The following GPHN variants were observed in gnomAD, a reference collection of about 807,000 sequenced individuals.
GPHN encodes gephyrin.
GPHN carries 17 observed loss-of-function variants against 95.5 expected under a neutral mutation model. The observed-to-expected ratio is 0.18, with a 90% CI of 0.12 to 0.27. The LOEUF is 0.27. Among genes scored for constraint, GPHN ranks in the 10% least tolerant of loss-of-function variants. The pLI is 1.00. For missense variants in GPHN, 660 were observed against 978.1 expected (o/e 0.67, Z 4.34); for synonymous variants, 320 against 322.5 (o/e 0.99, Z 0.08).
chr14:67,206,591 ATAAAATGTT>A, the GPHN span, among the ~76,000 whole-genome samples: 7 of 152,194 alleles, frequency 4.6e-5, no homozygotes, highest in Admixed American at 6.5e-5. Context: ...AATGCTTATA[ATAAAATGTT>A]AAGTGAAAAA....
At chr14:67,659,618 G>C in the GPHN span, 1 of 1,090,348 alleles carries the variant, frequency 9.2e-7, no homozygotes, top group East Asian at 2.8e-5. Context: ...TGAAAAAAAT[G>C]AAACAAGAGT....
chr14:66,933,317 G>C (rs1451419221), intron 8 of GPHN, among the ~76,000 whole-genome samples: 1 of 152,314 alleles, frequency 6.6e-6, no homozygotes, highest in African/African-American at 2.4e-5. Flanking sequence ...CTTTATTAAT[G>C]AGTCCCACTG....
the GPHN span, among the ~76,000 whole-genome samples, chr14:67,538,994 G>A: frequency 6.6e-6 from 1 of 152,098 alleles, no homozygotes; most frequent in African/African-American, 2.4e-5. Context: ...TCAGTAAGAG[G>A]GAATCAATAT....
chr14:66,955,637 G>A (rs1040503903), intron 8 of GPHN, among the ~76,000 whole-genome samples: 1 of 152,002 alleles, frequency 6.6e-6, no homozygotes, highest in Non-Finnish European at 1.5e-5. Flanking sequence ...TGCCATGTTG[G>A]TGTGCTGCAC....
At chr14:67,343,253 G>A in the GPHN span, 1 of 704,100 alleles carries the variant, frequency 1.4e-6, no homozygotes, top group East Asian at 2.7e-5. Flanking sequence ...TGCACTGTGG[G>A]CAAGGGAAGC....
the GPHN span, chr14:67,586,953 G>A: frequency 6.5e-7 from 1 of 1,542,180 alleles, no homozygotes; most frequent in Non-Finnish European, 8.7e-7. Flanking sequence ...CTCCCAGGTG[G>A]GTATTTTAAG....
chr14:67,428,253 C>A, the GPHN span, among the ~76,000 whole-genome samples: 1 of 152,098 alleles, frequency 6.6e-6, no homozygotes, highest in South Asian at 2.1e-4. Context: ...TATGCCCAGA[C>A]CCCCATGGTC....
At chr14:67,324,806 A>G in the GPHN span, among the ~76,000 whole-genome samples, 2 of 150,902 alleles carry the variant, frequency 1.3e-5, no homozygotes, top group East Asian at 3.9e-4. Context: ...GTTGGTATTG[A>G]ACTCCTGGCC....
At chr14:67,527,850 T>C in the GPHN span, among the ~76,000 whole-genome samples, 1 of 152,184 alleles carries the variant, frequency 6.6e-6, no homozygotes, top group Non-Finnish European at 1.5e-5. Context: ...CACTCACAGC[T>C]CTGCATGTAG....
At chr14:67,501,072 T>C in the GPHN span, among the ~76,000 whole-genome samples, 1 of 147,836 alleles carries the variant, frequency 6.8e-6, no homozygotes, top group African/African-American at 2.5e-5. Context: ...ATAATAATAA[T>C]AATAATAATA....
chr14:67,043,233 G>T (rs1402633692), intron 10 of GPHN, among the ~76,000 whole-genome samples: 2 of 152,080 alleles, frequency 1.3e-5, no homozygotes, highest in Non-Finnish European at 2.9e-5. Flanking sequence ...GCTTTCTCTT[G>T]CCTGATTGCC....
At chr14:67,382,722 G>A in the GPHN span, 7 of 1,009,652 alleles carry the variant, frequency 6.9e-6, no homozygotes, top group Non-Finnish European at 1.1e-5. Context: ...ATCACTAATG[G>A]TGTTAGGGTC....
the GPHN span, chr14:67,577,309 G>T: frequency 1.3e-5 from 21 of 1,564,836 alleles, no homozygotes; most frequent in Admixed American, 1.9e-5. Flanking sequence ...CAGATTCGCC[G>T]CTCTGGAGGC....
chr14:67,437,710 G>A, the GPHN span, among the ~76,000 whole-genome samples: 1 of 152,060 alleles, frequency 6.6e-6, no homozygotes, highest in Non-Finnish European at 1.5e-5. Context: ...TGTACCTAGA[G>A]GACTTACTGA....
At chr14:66,640,379 A>T (rs1432722276) in intron 1 of GPHN, among the ~76,000 whole-genome samples, 1 of 152,188 alleles carries the variant, frequency 6.6e-6, no homozygotes, top group African/African-American at 2.4e-5. Flanking sequence ...CCAAGACTGC[A>T]CCATTGCACT....
intron 9 of GPHN, among the ~76,000 whole-genome samples, chr14:66,995,037 T>C (rs1469252095): frequency 6.6e-6 from 1 of 152,176 alleles, no homozygotes; most frequent in Admixed American, 6.5e-5. Flanking sequence ...AGTGCATTTG[T>C]GATTCTTCTA....
chr14:66,630,633 G>T (rs2153338799), intron 1 of GPHN, among the ~76,000 whole-genome samples: 1 of 152,082 alleles, frequency 6.6e-6, no homozygotes, highest in East Asian at 1.9e-4. Flanking sequence ...CACCACACCT[G>T]GCTAATTTTT....
At chr14:66,944,146 T>G (rs1412176345) in intron 8 of GPHN, among the ~76,000 whole-genome samples, 1 of 152,238 alleles carries the variant, frequency 6.6e-6, no homozygotes, top group Non-Finnish European at 1.5e-5. Context: ...AGCACTCTTT[T>G]TAAGAATTTC....
chr14:67,302,460 A>G, the GPHN span: 1 of 1,597,836 alleles, frequency 6.3e-7, no homozygotes, highest in Non-Finnish European at 8.5e-7. Context: ...GCCGGATAGT[A>G]AAAGGGGGTG....
Sources: allele counts gnomAD v4.1 joint callset (sites outside exome capture counted in the v4.1 genomes callset), GRCh38; gene constraint gnomAD v4.1.1; transcripts MANE v1.5; gene names NCBI Gene and HGNC (gene_info 2026-07-23, HGNC 2026-07-21).